The following RALGAPA2 variants were observed in gnomAD, a reference collection of about 807,000 sequenced individuals.
RALGAPA2 encodes ral GTPase-activating protein subunit alpha-2.
RALGAPA2 carries 139 observed loss-of-function variants against 230.4 expected under a neutral mutation model. The observed-to-expected ratio is 0.60, with a 90% CI of 0.53 to 0.69. The LOEUF is 0.69. RALGAPA2 is among the 30% of genes least tolerant of loss of function. RALGAPA2 has a pLI of 0.00. For synonymous variants in RALGAPA2, 847 were observed against 837.8 expected, an observed-to-expected ratio of 1.01 and a Z score of -0.19; for missense variants, 2,163 against 2,276.0, an observed-to-expected ratio of 0.95 and a Z score of 1.01.
chr20:20,429,669 T>C (rs934224217), intron 37 of RALGAPA2, among the ~76,000 whole-genome samples: 1 of 152,238 alleles, frequency 6.6e-6, no homozygotes, highest in African/African-American at 2.4e-5. Flanking sequence ...TTATTTTGAA[T>C]GGACATTTTC....
chr20:20,657,249 A>G (rs941680326), intron 3 of RALGAPA2, among the ~76,000 whole-genome samples: 11 of 152,206 alleles, frequency 7.2e-5, no homozygotes, highest in African/African-American at 2.7e-4. Context: ...CGGAAGCTCC[A>G]GAGCAAAGAT....
chr20:20,503,296 G>A, intron 35 of RALGAPA2, 55 bp downstream of exon 35: 4 of 1,401,920 alleles, frequency 2.9e-6, no homozygotes, highest in South Asian at 1.5e-5. Flanking sequence ...TGTCCTAGGA[G>A]AGCCTCACCT....
intron 1 of RALGAPA2, among the ~76,000 whole-genome samples, chr20:20,689,646 G>C (rs1186327107): frequency 3.3e-5 from 5 of 152,012 alleles, no homozygotes; most frequent in African/African-American, 1.2e-4. Flanking sequence ...GTCTCAAAAA[G>C]ATAAAAATAA....
intron 36 of RALGAPA2, among the ~76,000 whole-genome samples, chr20:20,483,185 AC>A (rs1478355454): frequency 1.3e-5 from 2 of 152,220 alleles, no homozygotes; most frequent in African/African-American, 2.4e-5. Context: ...AGGAAAGAGT[AC>A]ATGTTTTTAT....
At chr20:20,503,165 TC>T (rs979688885) in intron 35 of RALGAPA2, among the ~76,000 whole-genome samples, 185 bp downstream of exon 35, 2 of 152,172 alleles carry the variant, frequency 1.3e-5, no homozygotes, top group African/African-American at 4.8e-5. Context: ...CAGGTAATAT[TC>T]ACGGGAGGGA....
At chr20:20,463,974 T>C (rs1301810968) in intron 37 of RALGAPA2, among the ~76,000 whole-genome samples, 2 of 152,190 alleles carry the variant, frequency 1.3e-5, no homozygotes, top group Non-Finnish European at 2.9e-5. Context: ...ACCAAATGAT[T>C]ACGGTGCAAA....
At chr20:20,517,986 A>G (rs377463424) in intron 31 of RALGAPA2, among the ~76,000 whole-genome samples, 1 of 152,202 alleles carries the variant, frequency 6.6e-6, no homozygotes, top group East Asian at 1.9e-4. Flanking sequence ...TTGAAATACC[A>G]GATAAAGCAT....
intron 38 of RALGAPA2, among the ~76,000 whole-genome samples, chr20:20,405,806 A>G (rs2059933192): frequency 6.6e-6 from 1 of 152,200 alleles, no homozygotes; most frequent in South Asian, 2.1e-4. Flanking sequence ...ACTGGGAAGG[A>G]GGGGACAGAT....
intron 37 of RALGAPA2, among the ~76,000 whole-genome samples, chr20:20,433,951 G>A (rs1211724515): frequency 6.6e-6 from 1 of 152,214 alleles, no homozygotes; most frequent in Non-Finnish European, 1.5e-5. Context: ...TAACAGCCAT[G>A]TAGATGAAGG....
chr20:20,393,222 G>A lies in RALGAPA2; in HGVS notation c.*67C>T, dbSNP rs755363877. ...TCTCCTCCTCACTCAGGGGCTCTTC[G>A]AGGTCAGCACTCAGACTGGAGGCCA... On this transcript the variant is annotated 3_prime_UTR_variant, in exon 40 of 40. Transcript: ENST00000202677. The A allele has an allele frequency of 3.7e-6, 5 of 1,354,642 alleles. No individual in the cohort carries two copies. The highest frequency in any genetic ancestry group is 3.0e-5 in the African/African-American group (2 of 67,618). 83.9% of individuals were successfully genotyped at this position (1,354,642 alleles called of 1,614,324 possible). A position where few individuals can be genotyped will look rare whatever the true frequency, so the allele number is the denominator to read the frequency against.
chr20:20,570,189 C>T (rs2064580438), intron 23 of RALGAPA2, among the ~76,000 whole-genome samples: 1 of 152,060 alleles, frequency 6.6e-6, no homozygotes, highest in African/African-American at 2.4e-5. Context: ...CTATACACTG[C>T]TAAAATCACA....
At chr20:20,517,086 C>T (rs547376417) in intron 31 of RALGAPA2, among the ~76,000 whole-genome samples, 29 of 152,226 alleles carry the variant, frequency 1.9e-4, no homozygotes, top group African/African-American at 6.7e-4. Context: ...TTCTCCCATG[C>T]GAATTCAGCA....
chr20:20,701,760 G>A lies in RALGAPA2; in HGVS notation c.106+10615C>T, dbSNP rs371875634. Among the ~76,000 whole-genome samples the A allele has an allele frequency of 2.0e-3, 300 of 149,052 alleles. 1 individual carries two copies. The highest frequency in any genetic ancestry group is 4.4e-3 in the African/African-American group (177 of 40,436). ...ATAAATAAATAAATAAGCATGGTGC[G>A]GCCAGGCGCAGTGGCTGACACCTGT... On this transcript the variant is annotated intron_variant, in intron 1 of 39. Coordinates refer to ENST00000202677, the MANE Select transcript of RALGAPA2 (RefSeq NM_020343.4).
intron 23 of RALGAPA2, among the ~76,000 whole-genome samples, chr20:20,550,447 G>A (rs78385723): frequency 1.3e-5 from 2 of 152,298 alleles, no homozygotes; most frequent in African/African-American, 4.8e-5. Flanking sequence ...AGCACAGAAT[G>A]CAATGTCAGG....
chr20:20,549,223 A>G (rs6046923), intron 23 of RALGAPA2, among the ~76,000 whole-genome samples: 11,158 of 152,246 alleles, frequency 0.073, 564 homozygotes, highest in East Asian at 0.16. Flanking sequence ...TCCATTTTGC[A>G]TTGTAAGATT....
chr20:20,465,766 A>G (rs571435832), intron 37 of RALGAPA2, among the ~76,000 whole-genome samples: 1 of 152,172 alleles, frequency 6.6e-6, no homozygotes, highest in South Asian at 2.1e-4. Context: ...GGCAGCTCCT[A>G]CCCCAGGGAA....
chr20:20,524,472 G>A lies in RALGAPA2; in HGVS notation c.3834C>T (p.Pro1278=), dbSNP rs184808613. The A allele has an allele frequency of 5.6e-5, 90 of 1,613,872 alleles. No homozygotes were observed. The highest frequency in any genetic ancestry group is 1.6e-4 in the Middle Eastern group (1 of 6,062). The change falls in exon 30 of 40, where the codon CCC becomes CCT. Residue 1278 remains proline (P), a synonymous_variant. Coordinates refer to ENST00000202677, the MANE Select transcript of RALGAPA2 (RefSeq NM_020343.4). ...GCTCCTCTAGGACTGCTGTGGACAC[G>A]GGGTGGAGAAGGACACTCACGGGCA... The part of the protein sequence containing the change: ...MALPVSVLLH[P]VSTAVLEEQH...
intron 37 of RALGAPA2, among the ~76,000 whole-genome samples, chr20:20,419,724 A>T (rs1305986723): frequency 6.6e-6 from 1 of 152,238 alleles, no homozygotes; most frequent in Non-Finnish European, 1.5e-5. Flanking sequence ...AATACTACAT[A>T]TATTCATAGG....
intron 1 of RALGAPA2, among the ~76,000 whole-genome samples, chr20:20,690,599 C>A (rs2068867944): frequency 6.6e-6 from 1 of 150,842 alleles, no homozygotes; most frequent in Non-Finnish European, 1.5e-5. Context: ...ATAAAGCTCA[C>A]CAAATTCCGT....
Sources: gnomAD v4.1 joint callset for allele counts (sites outside exome capture counted in the v4.1 genomes callset) on GRCh38, gnomAD v4.1.1 for gene constraint, MANE v1.5 for transcripts, NCBI Gene and HGNC (gene_info 2026-07-23, HGNC 2026-07-21) for gene names.